Variants in ITPK1 observed in about 807,000 individuals in gnomAD.
The protein encoded by ITPK1 is inositol-tetrakisphosphate 1-kinase.
In ITPK1, 21 loss-of-function variants were observed where a neutral mutation model predicts 45.3. The ratio of observed to expected loss-of-function variants is 0.46; its 90% confidence interval spans 0.33 to 0.67. The LOEUF (loss-of-function observed/expected upper bound fraction) is 0.67. Among genes scored for constraint, ITPK1 ranks in the 30% least tolerant of loss-of-function variants. The probability of loss-of-function intolerance (pLI) is 0.02; values close to 1 mark genes in which losing one functional copy is unlikely to be tolerated. For synonymous variants in ITPK1, 258 were observed against 253.6 expected (o/e 1.02, Z -0.16); for missense variants, 474 against 573.5 (o/e 0.83, Z 1.77).
chr14:93,106,362 T>C (rs1892524511), intron 2 of ITPK1, among the ~76,000 whole-genome samples: 2 of 152,164 alleles, frequency 1.3e-5, no homozygotes, highest in African/African-American at 4.8e-5. Context: ...GACACCTCCT[T>C]GAACCACCCT....
At chr14:93,083,664 G>A (rs4905043) in intron 2 of ITPK1, among the ~76,000 whole-genome samples, 53,606 of 151,912 alleles carry the variant, frequency 0.35, 9,950 homozygotes, top group South Asian at 0.48. Flanking sequence ...GGCCCACACC[G>A]TACCCCACAG....
chr14:92,941,638 CGA>C lies in ITPK1; in HGVS notation c.1166_1167del (p.Leu389ArgfsTer55), dbSNP rs1887412021. The C allele has an allele frequency of 1.3e-6, 2 of 1,540,168 alleles. No individual in the cohort carries two copies. Among genetic ancestry groups the C allele is most frequent in the African/African-American group, 1.4e-5 (1 of 72,686 alleles). On this transcript the variant is annotated frameshift_variant, in exon 11 of 11. Transcript: ENST00000267615. LOFTEE classifies it high-confidence loss of function. The stretch of plus-strand genomic sequence containing the variant: ...CTGGGCGACACGCCGGCGTTGCAGC[CGA>C]GTCTCTGGTGCGGCAGCTTGGCGGT... Reference protein sequence around the residue: ...GGTAKLPHQRLGCNAGVSPSF... With the variant: ...GGTAKLPHQRXGCNAGVSPSF...
intron 5 of ITPK1, among the ~76,000 whole-genome samples, chr14:92,981,781 T>C (rs1886243362): frequency 6.6e-6 from 1 of 152,154 alleles, no homozygotes; most frequent in South Asian, 2.1e-4. Context: ...GTGGAATGAA[T>C]GTGCGATGAG....
At chr14:92,962,673 C>G in intron 6 of ITPK1, 78 bp downstream of exon 6, 1 of 1,132,982 alleles carries the variant, frequency 8.8e-7, no homozygotes. Flanking sequence ...CCAGAGGGCA[C>G]TATAAACCCA....
chr14:93,026,565 T>C (rs546015223), intron 3 of ITPK1, among the ~76,000 whole-genome samples: 1 of 152,186 alleles, frequency 6.6e-6, no homozygotes, highest in African/African-American at 2.4e-5. Context: ...GTTGGTAATA[T>C]CCATCACAAT....
At chr14:92,997,025 G>A (rs1425753040) in intron 4 of ITPK1, among the ~76,000 whole-genome samples, 1 of 152,198 alleles carries the variant, frequency 6.6e-6, no homozygotes, top group Non-Finnish European at 1.5e-5. Flanking sequence ...AGGTAAACTT[G>A]AAGGCTGCAC....
chr14:92,968,142 C>G (rs1885472127), intron 5 of ITPK1, among the ~76,000 whole-genome samples: 1 of 151,994 alleles, frequency 6.6e-6, no homozygotes. Context: ...CCAGCCTGGC[C>G]AACATGGTGA....
At chr14:93,066,407 CTT>C (rs751357627) in intron 3 of ITPK1, 6,166 of 287,654 alleles carry the variant, frequency 0.021, no homozygotes, top group South Asian at 0.031. Flanking sequence ...TTTAGCAATT[CTT>C]TTTTTTTTTT....
intron 3 of ITPK1, among the ~76,000 whole-genome samples, chr14:93,040,514 C>A (rs939095091): frequency 3.3e-5 from 5 of 152,224 alleles, no homozygotes; most frequent in Non-Finnish European, 7.3e-5. Context: ...TGGCCCAACA[C>A]CCCTGCCCAG....
rs546229607 is a variant in ITPK1 at position 92,953,880 on chromosome 14, C to T, written c.671-1867G>A. Among the ~76,000 whole-genome samples, 8 of 152,292 alleles carry T rather than the reference C, an allele frequency of 5.3e-5. No homozygotes were observed. The East Asian group carries it at 7.7e-4, about 15-fold the overall frequency. Reference sequence around the variant, plus strand: ...TTTCAAAAGGGGCTCTTTTCTCCTCCTGGCTAATTCTGTTTTTCTTTTTAT... The same window carrying T: ...TTTCAAAAGGGGCTCTTTTCTCCTCTTGGCTAATTCTGTTTTTCTTTTTAT... On this transcript the variant is annotated intron_variant, in intron 8 of 10. Transcript: ENST00000267615.
chr14:92,962,249 G>T, intron 7 of ITPK1, 106 bp downstream of exon 7: 1 of 850,478 alleles, frequency 1.2e-6, no homozygotes. Context: ...AGGACTAACA[G>T]CAGGGCAGGA....
intron 2 of ITPK1, among the ~76,000 whole-genome samples, chr14:93,090,442 C>T (rs764532308): frequency 2.6e-5 from 4 of 152,162 alleles, no homozygotes; most frequent in East Asian, 1.9e-4. Context: ...ATTCTCCTGA[C>T]CTGAATGCCT....
At chr14:93,052,052 G>A (rs1427224450) in intron 3 of ITPK1, among the ~76,000 whole-genome samples, 2 of 152,206 alleles carry the variant, frequency 1.3e-5, no homozygotes, top group Non-Finnish European at 2.9e-5. Flanking sequence ...GAGGGGCCAC[G>A]TGGTGGAAGG....
chr14:93,066,301 CGTGCATGTGTGTGTGT>C (rs1890741877), intron 3 of ITPK1: 1 of 450,718 alleles, frequency 2.2e-6, no homozygotes, highest in Non-Finnish European at 4.4e-6. Context: ...CGTGTGTGCG[CGTGCATGTGTGTGTGT>C]GTATGTGTGT....
chr14:93,084,183 C>G (rs549988072), intron 2 of ITPK1, among the ~76,000 whole-genome samples: 1 of 152,324 alleles, frequency 6.6e-6, no homozygotes, highest in East Asian at 1.9e-4. Flanking sequence ...CAGCCAGACC[C>G]GCCACCTGGA....
At chr14:93,115,687 T>C (rs1892922524) in intron 1 of ITPK1, 85 bp downstream of exon 1, 1 of 149,228 alleles carries the variant, frequency 6.7e-6, no homozygotes, top group South Asian at 2.0e-4. Flanking sequence ...CGCCCTCTGA[T>C]GTTCCCAGCC....
At chr14:92,981,077 G>A (rs952077082) in intron 5 of ITPK1, among the ~76,000 whole-genome samples, 1 of 152,134 alleles carries the variant, frequency 6.6e-6, no homozygotes, top group Admixed American at 6.5e-5. Context: ...GCACTGTCCT[G>A]CCCTGTGGAG....
At chr14:93,098,663 G>A (rs1026092432) in intron 2 of ITPK1, among the ~76,000 whole-genome samples, 8 of 152,110 alleles carry the variant, frequency 5.3e-5, no homozygotes, top group East Asian at 1.9e-4. Context: ...GTGCAGGGCC[G>A]CACAGCTCAG....
At chr14:93,099,836 G>T (rs78122275) in intron 2 of ITPK1, among the ~76,000 whole-genome samples, 2 of 152,122 alleles carry the variant, frequency 1.3e-5, no homozygotes, top group South Asian at 2.1e-4. Context: ...TCAGACTTGT[G>T]GGGGTAGGTA....
Sources: allele counts gnomAD v4.1 joint callset (sites outside exome capture counted in the v4.1 genomes callset), GRCh38; gene constraint gnomAD v4.1.1; transcripts MANE v1.5; gene names NCBI Gene and HGNC (gene_info 2026-07-23, HGNC 2026-07-21).